Variants in SCYL3 observed in about 807,000 individuals in gnomAD.
SCYL3 encodes protein-associating with the carboxyl-terminal domain of ezrin.
Under a neutral mutation model 73.8 loss-of-function variants are expected in SCYL3, and 35 were observed. That is an observed-to-expected ratio of 0.47 (90% CI 0.36 to 0.63). SCYL3 has a LOEUF of 0.63. Ranked by LOEUF, SCYL3 falls within the 20% of genes least tolerant of loss-of-function variation. The pLI is 0.00. For synonymous variants in SCYL3, 277 were observed against 295.2 expected (o/e 0.94, Z 0.63); for missense variants, 712 against 798.9 (o/e 0.89, Z 1.31).
intron 3 of SCYL3, among the ~76,000 whole-genome samples, chr1:169,876,858 G>C (rs1482372790): frequency 6.7e-6 from 1 of 149,186 alleles, no homozygotes; most frequent in Non-Finnish European, 1.5e-5. Context: ...GGGAGGCTGA[G>C]ACAGGAGAAT....
At chr1:169,871,146 A>G (rs1304237282) in intron 5 of SCYL3, among the ~76,000 whole-genome samples, 1 of 152,210 alleles carries the variant, frequency 6.6e-6, no homozygotes, top group Non-Finnish European at 1.5e-5. Flanking sequence ...TTTTGCTTCC[A>G]TAATTATTAT....
chr1:169,869,944 C>T (rs1234495866), intron 6 of SCYL3, among the ~76,000 whole-genome samples: 1 of 152,018 alleles, frequency 6.6e-6, no homozygotes. Context: ...ACTTATTGGC[C>T]GGTTCAATAA....
intron 5 of SCYL3, 112 bp from the exon 6 acceptor site, chr1:169,870,469 C>G (rs183007799): frequency 1.5e-6 from 1 of 673,290 alleles, no homozygotes; most frequent in African/African-American, 1.8e-5. Flanking sequence ...AATCTATCTT[C>G]AGACCACCAC....
intron 11 of SCYL3, among the ~76,000 whole-genome samples, chr1:169,857,036 T>C (rs1240347868): frequency 6.6e-6 from 1 of 152,192 alleles, no homozygotes; most frequent in Non-Finnish European, 1.5e-5. Context: ...AAAGGAGCAA[T>C]GACATTGTTG....
intron 2 of SCYL3, 74 bp from the exon 3 acceptor site, chr1:169,878,893 G>A: frequency 1.5e-6 from 2 of 1,329,246 alleles, no homozygotes; most frequent in Non-Finnish European, 2.1e-6. Flanking sequence ...CATTATGGGG[G>A]AAATCAGAAA....
rs1558102678 is a variant in SCYL3, at chr1:169,850,994, TTTTTTTTTTTTTA to T, written c.*2706_*2718del. On this transcript the variant is annotated 3_prime_UTR_variant, in exon 13 of 13. Transcript: ENST00000367771. Reference sequence around the variant, plus strand: ...TTTAGGCATGGCTTTTTTTTTTTTTTTTTTTTTTTTTTATTTGGGCAGCCTCCCAAGCCAGGGT... The same window carrying T: ...TTTAGGCATGGCTTTTTTTTTTTTTTTTTGGGCAGCCTCCCAAGCCAGGGT... 2 of 54,284 alleles carry T rather than the reference TTTTTTTTTTTTTA, an allele frequency of 3.7e-5. No individual in the cohort carries two copies. The highest frequency in any genetic ancestry group is 1.5e-4 in the African/African-American group (2 of 13,752). The allele number at this position is 54,284 out of a possible 1,614,324, so 3.4% of individuals were successfully genotyped here. A position where few individuals can be genotyped will look rare whatever the true frequency, so the allele number is the denominator to read the frequency against.
chr1:169,885,177 G>A (rs1661588525), intron 2 of SCYL3, among the ~76,000 whole-genome samples: 1 of 152,132 alleles, frequency 6.6e-6, no homozygotes, highest in Non-Finnish European at 1.5e-5. Flanking sequence ...TCTGAGTAAG[G>A]ACCTTTATTG....
chr1:169,853,137 G>A lies in SCYL3; in HGVS notation c.*576C>T. 1.3e-6 allele frequency: 1 copy of A among 766,624 alleles called. No homozygotes were observed. The highest frequency in any genetic ancestry group is 2.7e-5 in the East Asian group (1 of 37,060). 47.5% of individuals were successfully genotyped at this position (766,624 alleles called of 1,614,324 possible). A position where few individuals can be genotyped will look rare whatever the true frequency, so the allele number is the denominator to read the frequency against. ...GACATTTAGAGAACAGGATTGTGGG[G>A]AATATTCTTATTAAGAACTTTGGTA... On this transcript the variant is annotated 3_prime_UTR_variant, in exon 13 of 13. Coordinates refer to ENST00000367771, the MANE Select transcript of SCYL3 (RefSeq NM_020423.7).
intron 5 of SCYL3, among the ~76,000 whole-genome samples, chr1:169,871,338 C>T (rs1464130478): frequency 6.6e-6 from 1 of 152,134 alleles, no homozygotes; most frequent in Non-Finnish European, 1.5e-5. Flanking sequence ...CTCACAAGAT[C>T]TGATGGCTTT....
Position 169,851,967 on chromosome 1 carries a change from T to C in SCYL3, c.*1746A>G, listed in dbSNP as rs776052390. 6 of 1,613,828 alleles carry C rather than the reference T, an allele frequency of 3.7e-6. No homozygotes were observed. In the South Asian group the frequency reaches 6.6e-5, roughly 18 times the overall value. ...GGCTGATTTCAATAGGGGCCAAACTTTAACAAGGCAAATTCTGCCCTTTTT... is the reference window on the plus strand; with the variant it reads ...GGCTGATTTCAATAGGGGCCAAACTCTAACAAGGCAAATTCTGCCCTTTTT... On this transcript the variant is annotated 3_prime_UTR_variant, in exon 13 of 13. Coordinates refer to ENST00000367771, the MANE Select transcript of SCYL3 (RefSeq NM_020423.7).
intron 1 of SCYL3, among the ~76,000 whole-genome samples, chr1:169,891,427 G>T (rs1043295815): frequency 2.0e-5 from 3 of 152,112 alleles, no homozygotes; most frequent in African/African-American, 7.2e-5. Flanking sequence ...ACTTGAATGG[G>T]TCTATGTTCT....
At position 169,851,686 on chromosome 1, in the gene SCYL3, G is replaced by A. The variant is rs979990035; in HGVS notation, c.*2027C>T. 3.2e-5 allele frequency: 32 copies of A among 995,572 alleles called. No homozygotes were observed. In the African/African-American group the frequency reaches 3.9e-4, roughly 12 times the overall value. 61.7% of individuals were successfully genotyped at this position (995,572 alleles called of 1,614,324 possible). A position where few individuals can be genotyped will look rare whatever the true frequency, so the allele number is the denominator to read the frequency against. ...CCAGATTATACTAAGAGTATTTATA[G>A]ATCAGTCCATGTGACTTCCAGAATT... On this transcript the variant is annotated 3_prime_UTR_variant, in exon 13 of 13. Coordinates refer to ENST00000367771, the MANE Select transcript of SCYL3 (RefSeq NM_020423.7).
At position 169,872,974 on chromosome 1, in the gene SCYL3, T is replaced by A. The variant is rs565452919; in HGVS notation, c.522+722A>T. On this transcript the variant is annotated intron_variant, in intron 5 of 12. Coordinates refer to ENST00000367771, the MANE Select transcript of SCYL3 (RefSeq NM_020423.7). Reference sequence around the variant, plus strand: ...AGATGAGACATTGGACTATGGACTTTTGAGTTAATGCTGAAATGAGTGAAG... The same window carrying A: ...AGATGAGACATTGGACTATGGACTTATGAGTTAATGCTGAAATGAGTGAAG... Among the ~76,000 whole-genome samples the A allele has an allele frequency of 4.6e-5, 7 of 152,234 alleles. No individual in the cohort carries two copies. The East Asian group carries it at 1.4e-3, about 29-fold the overall frequency.
chr1:169,887,084 T>C (rs2102212915), intron 2 of SCYL3, among the ~76,000 whole-genome samples: 1 of 152,316 alleles, frequency 6.6e-6, no homozygotes, highest in South Asian at 2.1e-4. Context: ...ATGACCTAGT[T>C]TTTTAAGATT....
Position 169,888,720 on chromosome 1 carries a change from C to G in SCYL3, c.121G>C (p.Val41Leu). 1 of 1,614,084 alleles carries G rather than the reference C, an allele frequency of 6.2e-7. No homozygotes were observed. The highest frequency in any genetic ancestry group is 1.3e-5 in the African/African-American group (1 of 75,042). The change falls in exon 2 of 13, where the codon GTG becomes CTG. Residue 41 changes from valine (V) to leucine (L), a missense_variant. Val to Leu is a conservative substitution (Grantham distance 32, BLOSUM62 1). This residue lies in a region of SCYL3 where 342 missense variants were observed against 448.1 expected (regional missense o/e 0.76). Coordinates refer to ENST00000367771, the MANE Select transcript of SCYL3 (RefSeq NM_020423.7). ...TTGTCTTCATTTTCTCTCTTATACA[C>G]AAAAACTGAAGCAAATTTGCCATCT... ...LQDGKFASVFVYKRENEDKVN... is the reference protein window; with the variant it reads ...LQDGKFASVFLYKRENEDKVN...
chr1:169,856,115 C>A (rs1048676135), intron 11 of SCYL3, among the ~76,000 whole-genome samples: 2 of 152,192 alleles, frequency 1.3e-5, no homozygotes, highest in African/African-American at 4.8e-5. Context: ...TGAAGACATA[C>A]ACCCATTATG....
At position 169,853,494 on chromosome 1, in the gene SCYL3, C is replaced by T; in HGVS notation, c.*219G>A. The stretch of plus-strand genomic sequence containing the variant: ...CTCAGTCAAATGCACAAAGGCTCTT[C>T]CTCCTGGAAACCAGTACTGTGAGCC... On this transcript the variant is annotated 3_prime_UTR_variant, in exon 13 of 13. Coordinates refer to ENST00000367771, the MANE Select transcript of SCYL3 (RefSeq NM_020423.7). The T allele has an allele frequency of 2.0e-6, 1 of 502,034 alleles. No homozygotes were observed. Among genetic ancestry groups the T allele is most frequent in the South Asian group, 3.5e-5 (1 of 28,838 alleles). The allele number at this position is 502,034 out of a possible 1,614,324, so 31.1% of individuals were successfully genotyped here. A position where few individuals can be genotyped will look rare whatever the true frequency, so the allele number is the denominator to read the frequency against.
At chr1:169,882,418 C>T (rs1025009639) in intron 2 of SCYL3, among the ~76,000 whole-genome samples, 1 of 152,200 alleles carries the variant, frequency 6.6e-6, no homozygotes, top group African/African-American at 2.4e-5. Flanking sequence ...CTGTGCGACC[C>T]CAGCCTCCCT....
Position 169,854,439 on chromosome 1 carries a change from G to C in SCYL3, c.1838C>G (p.Pro613Arg), listed in dbSNP as rs771372873. The C allele has an allele frequency of 6.2e-7, 1 of 1,614,052 alleles. No individual in the cohort carries two copies. The highest frequency in any genetic ancestry group is 8.5e-7 in the Non-Finnish European group (1 of 1,179,980). The change falls in exon 12 of 13, where the codon CCA becomes CGA. Residue 613 changes from proline to arginine, a missense_variant. Pro to Arg is a moderately radical substitution (Grantham distance 103, BLOSUM62 -2). Coordinates refer to ENST00000367771, the MANE Select transcript of SCYL3 (RefSeq NM_020423.7). The stretch of plus-strand genomic sequence containing the variant: ...CCAATCCATCTCAGGATCTTTTACT[G>C]GCTTCTTTTTTACTTGAATGGTGAA... The part of the protein sequence containing the change: ...EEFTIQVKKK[P>R]VKDPEMDWFA...
Sources: gnomAD v4.1 joint callset for allele counts (sites outside exome capture counted in the v4.1 genomes callset) on GRCh38, gnomAD v4.1.1 for gene constraint, gnomAD v4.1.1 regional missense constraint, MANE v1.5 for transcripts, NCBI Gene and HGNC (gene_info 2026-07-23, HGNC 2026-07-21) for gene names.